ABTB3: variants seen among roughly 807,000 people sequenced by gnomAD.
The protein encoded by ABTB3 is ankyrin repeat- and BTB/POZ domain-containing protein 3.
the ABTB3 span, among the ~76,000 whole-genome samples, chr12:107,398,256 G>A: frequency 1.3e-5 from 2 of 152,060 alleles, no homozygotes; most frequent in South Asian, 4.1e-4. Context: ...TGCACGTGAG[G>A]CCCACGTTTG....
chr12:107,555,765 T>C, the ABTB3 span, among the ~76,000 whole-genome samples: 1 of 152,220 alleles, frequency 6.6e-6, no homozygotes, highest in Non-Finnish European at 1.5e-5. Flanking sequence ...TTGTACAGCA[T>C]AGGACATTCC....
the ABTB3 span, among the ~76,000 whole-genome samples, chr12:107,580,310 T>C: frequency 6.6e-6 from 1 of 152,238 alleles, no homozygotes; most frequent in African/African-American, 2.4e-5. Context: ...GTAATCCTAA[T>C]GTGAGGACAG....
chr12:107,657,767 C>T, the ABTB3 span: 38 of 1,587,044 alleles, frequency 2.4e-5, no homozygotes, highest in African/African-American at 9.4e-5. Flanking sequence ...GTTCTCCTGC[C>T]GCATTGGCTT....
the ABTB3 span, among the ~76,000 whole-genome samples, chr12:107,436,718 C>T: frequency 1.6e-4 from 25 of 152,286 alleles, no homozygotes; most frequent in East Asian, 5.8e-4. Context: ...ATTTTCCCAG[C>T]GCATGGTGGG....
chr12:107,599,990 C>A, the ABTB3 span, among the ~76,000 whole-genome samples: 1 of 152,126 alleles, frequency 6.6e-6, no homozygotes, highest in Non-Finnish European at 1.5e-5. Context: ...TGGGCATTCA[C>A]CCACAAACAC....
chr12:107,624,784 T>G, the ABTB3 span, among the ~76,000 whole-genome samples: 1 of 152,254 alleles, frequency 6.6e-6, no homozygotes, highest in African/African-American at 2.4e-5. Context: ...CAAATAAAGC[T>G]GTTACAAACA....
At chr12:107,441,962 G>GA in the ABTB3 span, among the ~76,000 whole-genome samples, 109 of 150,444 alleles carry the variant, frequency 7.2e-4, 2 homozygotes, top group African/African-American at 2.5e-3. Context: ...AAGGAAAAAG[G>GA]AAAAAAAAAG....
the ABTB3 span, among the ~76,000 whole-genome samples, chr12:107,385,558 G>T: frequency 7.8e-4 from 119 of 152,256 alleles, 1 homozygote; most frequent in East Asian, 8.7e-3. Context: ...CTTCCTGCTG[G>T]CTGGGGTGAG....
chr12:107,605,828 A>G, the ABTB3 span, among the ~76,000 whole-genome samples: 1 of 152,192 alleles, frequency 6.6e-6, no homozygotes, highest in Non-Finnish European at 1.5e-5. Context: ...GCAGAGGTGG[A>G]AAGAAGTGGA....
the ABTB3 span, among the ~76,000 whole-genome samples, chr12:107,417,673 G>A: frequency 1.1e-4 from 17 of 152,350 alleles, no homozygotes; most frequent in African/African-American, 3.6e-4. Context: ...CAGTGTCCGC[G>A]CATAGCGTGT....
the ABTB3 span, among the ~76,000 whole-genome samples, chr12:107,616,553 G>A: frequency 6.6e-6 from 1 of 152,218 alleles, no homozygotes; most frequent in South Asian, 2.1e-4. Context: ...TGATCTTGCT[G>A]TCCAGAAACC....
At chr12:107,406,352 C>A in the ABTB3 span, among the ~76,000 whole-genome samples, 2 of 152,162 alleles carry the variant, frequency 1.3e-5, no homozygotes, top group South Asian at 2.1e-4. Context: ...ATCGCTTGAG[C>A]CTAGGAGTTT....
the ABTB3 span, among the ~76,000 whole-genome samples, chr12:107,627,095 A>G: frequency 6.6e-6 from 1 of 152,270 alleles, no homozygotes; most frequent in Non-Finnish European, 1.5e-5. Flanking sequence ...GGAAAGTCAC[A>G]GTGTGTATTC....
At chr12:107,468,277 T>A in the ABTB3 span, among the ~76,000 whole-genome samples, 1 of 152,116 alleles carries the variant, frequency 6.6e-6, no homozygotes, top group African/African-American at 2.4e-5. Context: ...GGCTGGGGTG[T>A]TTATTTTTCA....
the ABTB3 span, among the ~76,000 whole-genome samples, chr12:107,602,088 T>C: frequency 1.3e-5 from 2 of 152,170 alleles, no homozygotes; most frequent in African/African-American, 4.8e-5. Flanking sequence ...GGATTGGTCC[T>C]TGGAATCAGA....
At chr12:107,623,175 C>A in the ABTB3 span, among the ~76,000 whole-genome samples, 2 of 151,212 alleles carry the variant, frequency 1.3e-5, no homozygotes, top group Non-Finnish European at 2.9e-5. Flanking sequence ...ATTCTCCTGC[C>A]TCAGCCTCCT....
At chr12:107,498,031 C>G in the ABTB3 span, among the ~76,000 whole-genome samples, 1 of 152,132 alleles carries the variant, frequency 6.6e-6, no homozygotes, top group Non-Finnish European at 1.5e-5. Flanking sequence ...GGTGAGGCAC[C>G]CTGGGGTGGA....
the ABTB3 span, among the ~76,000 whole-genome samples, chr12:107,385,750 C>A: frequency 6.6e-5 from 10 of 152,176 alleles, no homozygotes; most frequent in Non-Finnish European, 1.3e-4. Context: ...GTGCACCCCC[C>A]CAAGCCCTGA....
chr12:107,344,985 G>C, the ABTB3 span, among the ~76,000 whole-genome samples: 1 of 152,164 alleles, frequency 6.6e-6, no homozygotes, highest in Non-Finnish European at 1.5e-5. Context: ...ATAACTTTAT[G>C]GCCAGACCTT....
Sources: gnomAD v4.1 joint callset for allele counts (sites outside exome capture counted in the v4.1 genomes callset) on GRCh38, gnomAD v4.1.1 for gene constraint, MANE v1.5 for transcripts, NCBI Gene and HGNC (gene_info 2026-07-23, HGNC 2026-07-21) for gene names.